GNAZ: variants seen among roughly 807,000 people sequenced by gnomAD.
The protein encoded by GNAZ is G protein subunit alpha z.
A neutral mutation model predicts 25.4 loss-of-function variants in GNAZ; 3 were observed. That is an observed-to-expected ratio of 0.12 (90% CI 0.05 to 0.30). The LOEUF (loss-of-function observed/expected upper bound fraction) is 0.30, where lower values mean the gene tolerates loss of function less well. Ranked by LOEUF, GNAZ falls within the 10% of genes least tolerant of loss-of-function variation. The pLI, the probability that GNAZ is intolerant of heterozygous loss-of-function variation, is 1.00. For missense variants in GNAZ, 241 were observed against 501.8 expected, an observed-to-expected ratio of 0.48 and a Z score of 4.97; for synonymous variants, 211 against 205.7, an observed-to-expected ratio of 1.03 and a Z score of -0.22.
At chr22:23,091,519 C>T (rs1169312430) in intron 1 of GNAZ, among the ~76,000 whole-genome samples, 2 of 151,632 alleles carry the variant, frequency 1.3e-5, no homozygotes, top group African/African-American at 4.9e-5. Flanking sequence ...CATGCACACA[C>T]ACCGCAATAG....
chr22:23,105,549 G>A (rs2069443393), intron 2 of GNAZ, among the ~76,000 whole-genome samples: 1 of 152,228 alleles, frequency 6.6e-6, no homozygotes. Flanking sequence ...CACCCACCTT[G>A]CTGAACAAAG....
chr22:23,087,861 T>C (rs937106418), intron 1 of GNAZ, among the ~76,000 whole-genome samples: 7 of 152,196 alleles, frequency 4.6e-5, no homozygotes, highest in Admixed American at 1.3e-4. Flanking sequence ...AGCACTGATC[T>C]CAAGAGCAGT....
At chr22:23,115,892 C>A (rs2069817096) in intron 2 of GNAZ, among the ~76,000 whole-genome samples, 1 of 152,238 alleles carries the variant, frequency 6.6e-6, no homozygotes, top group African/African-American at 2.4e-5. Flanking sequence ...GGGTGGTGGT[C>A]ATAATCACCA....
chr22:23,117,113 C>G (rs1426678233), intron 2 of GNAZ, among the ~76,000 whole-genome samples: 1 of 152,142 alleles, frequency 6.6e-6, no homozygotes, highest in African/African-American at 2.4e-5. Context: ...AGGCAGCCCT[C>G]CCATGACCCA....
chr22:23,072,534 C>T (rs957259259), intron 1 of GNAZ, among the ~76,000 whole-genome samples: 1 of 152,180 alleles, frequency 6.6e-6, no homozygotes, highest in Non-Finnish European at 1.5e-5. Flanking sequence ...GATGTTTTTG[C>T]TCTCCCTCTG....
At chr22:23,092,181 G>A (rs1158329286) in intron 1 of GNAZ, among the ~76,000 whole-genome samples, 1 of 152,154 alleles carries the variant, frequency 6.6e-6, no homozygotes, top group Non-Finnish European at 1.5e-5. Flanking sequence ...CTGGGACTTG[G>A]GGAGTCCTAG....
rs1461543416 is a variant in GNAZ at position 23,123,778 on chromosome 22, G to T, written c.*347G>T. 2.0e-5 allele frequency: 6 copies of T among 301,604 alleles called. No homozygotes were observed. The highest frequency in any genetic ancestry group is 6.3e-6 in the Non-Finnish European group (1 of 159,170). The allele number at this position is 301,604 out of a possible 1,614,324, so 18.7% of individuals were successfully genotyped here. A position where few individuals can be genotyped will look rare whatever the true frequency, so the allele number is the denominator to read the frequency against. ...TGAGTTGGCCCCACTCCACTTGGGG[G>T]TCTGCATTGGATTGTTAGGGATAGG... On this transcript the variant is annotated 3_prime_UTR_variant, in exon 3 of 3. Coordinates refer to ENST00000615612, the MANE Select transcript of GNAZ (RefSeq NM_002073.4).
chr22:23,115,086 G>A (rs2069784826), intron 2 of GNAZ, among the ~76,000 whole-genome samples: 1 of 152,186 alleles, frequency 6.6e-6, no homozygotes, highest in South Asian at 2.1e-4. Context: ...GCCTTGCTCT[G>A]TGCTGTGGCC....
At chr22:23,075,774 G>A (rs2068492341) in intron 1 of GNAZ, among the ~76,000 whole-genome samples, 1 of 152,170 alleles carries the variant, frequency 6.6e-6, no homozygotes, top group Non-Finnish European at 1.5e-5. Flanking sequence ...CGTGGTTGTG[G>A]TTAGAGCAAA....
At position 23,102,054 on chromosome 22, in the gene GNAZ, C is replaced by T. The variant is rs183575632; in HGVS notation, c.723+5636C>T. Among the ~76,000 whole-genome samples, 129 of 152,350 alleles carry T rather than the reference C, an allele frequency of 8.5e-4. 1 individual carries two copies. Among genetic ancestry groups the T allele is most frequent in the African/African-American group, 2.9e-3 (121 of 41,588 alleles). On this transcript the variant is annotated intron_variant, in intron 2 of 2. Transcript: ENST00000615612. ...GGCACACACCTATAGCTGGGCCACC[C>T]GTGGCCTAGAGGCCCCACCAACACT...
intron 1 of GNAZ, among the ~76,000 whole-genome samples, chr22:23,088,190 G>A (rs149278180): frequency 1.3e-5 from 2 of 152,292 alleles, no homozygotes; most frequent in East Asian, 1.9e-4. Flanking sequence ...CCATACTCAC[G>A]CAGCAAGTCA....
At position 23,114,794 on chromosome 22, in the gene GNAZ, G is replaced by A. The variant is rs553802150; in HGVS notation, c.724-8293G>A. ...TTGGCCACTCCGCAGCTGCCACACC[G>A]GCTCCAGCATTCCCTCCTGCCTGTC... is the stretch of plus-strand genomic sequence containing the variant. On this transcript the variant is annotated intron_variant, in intron 2 of 2. Transcript: ENST00000615612. 6.6e-5 allele frequency among the ~76,000 whole-genome samples: 10 copies of A among 152,318 alleles called. No individual in the cohort carries two copies. In the East Asian group the frequency reaches 1.7e-3, roughly 26 times the overall value.
intron 2 of GNAZ, among the ~76,000 whole-genome samples, chr22:23,117,805 T>G (rs1451222799): frequency 6.6e-6 from 1 of 152,216 alleles, no homozygotes; most frequent in African/African-American, 2.4e-5. Flanking sequence ...CCAGACCCTG[T>G]GTTCATGGCC....
intron 1 of GNAZ, among the ~76,000 whole-genome samples, chr22:23,073,876 T>A (rs529282071): frequency 1.1e-3 from 161 of 150,212 alleles, no homozygotes; most frequent in African/African-American, 3.7e-3. Flanking sequence ...TAACACATGT[T>A]ACTAAGTGCT....
rs139659965 is a variant in GNAZ at position 23,123,374 on chromosome 22, C to T, written c.1011C>T (p.Phe337=). Residue 337 remains phenylalanine (F), a synonymous_variant, in exon 3 of 3, where the codon TTC becomes TTT. Transcript: ENST00000615612. The stretch of plus-strand genomic sequence containing the variant: ...ACACCAGTAACATCCAGTTTGTCTT[C>T]GACGCGGTGACAGACGTCATCATAC... ...ATDTSNIQFV[F]DAVTDVIIQN... 3.2e-5 allele frequency: 52 copies of T among 1,613,880 alleles called. 1 individual carries two copies. The East Asian group carries it at 4.5e-4, about 14-fold the overall frequency.
rs181526057 is a variant in GNAZ at position 23,080,315 on chromosome 22, C to T, written c.-450+9745C>T. Among the ~76,000 whole-genome samples the T allele has an allele frequency of 1.8e-3, 269 of 152,248 alleles. 1 individual carries two copies. The highest frequency in any genetic ancestry group is 4.8e-3 in the African/African-American group (201 of 41,532). On this transcript the variant is annotated intron_variant, in intron 1 of 2. Transcript: ENST00000615612. ...AGACAGGACAGGTGGCTGAGGGTGT[C>T]CAGAGCCAGGACAGCACAGGGTTAC...
intron 1 of GNAZ, 73 bp downstream of exon 1, chr22:23,070,643 C>T (rs1363621472): frequency 6.6e-6 from 1 of 152,254 alleles, no homozygotes; most frequent in African/African-American, 2.4e-5. Flanking sequence ...GGGGCATCCA[C>T]CTTGCCCCCA....
At position 23,071,064 on chromosome 22, in the gene GNAZ, G is replaced by A. The variant is rs2068357901; in HGVS notation, c.-450+494G>A. On this transcript the variant is annotated intron_variant, in intron 1 of 2. Transcript: ENST00000615612. This position sits in a 1 kb window ranked among gnomAD's most constrained non-coding sequence, Gnocchi z 4.1. ...CCAGAGGCCTGGGCCCGAGGACCTGGGCCCGCAGACGGACAGCTAGCAGTT... is the reference window on the plus strand; with the variant it reads ...CCAGAGGCCTGGGCCCGAGGACCTGAGCCCGCAGACGGACAGCTAGCAGTT... Among the ~76,000 whole-genome samples, 2 of 152,218 alleles carry A rather than the reference G, an allele frequency of 1.3e-5. No individual in the cohort carries two copies. The highest frequency in any genetic ancestry group is 1.3e-4 in the Admixed American group (2 of 15,288).
At chr22:23,087,380 C>G (rs1038636611) in intron 1 of GNAZ, among the ~76,000 whole-genome samples, 6 of 152,146 alleles carry the variant, frequency 3.9e-5, no homozygotes, top group African/African-American at 1.4e-4. Flanking sequence ...GGGAGGATCG[C>G]TTGAGCCCGG....
Sources: allele counts gnomAD v4.1 joint callset (sites outside exome capture counted in the v4.1 genomes callset), GRCh38; gene constraint gnomAD v4.1.1; non-coding constraint Gnocchi (gnomAD v3.1); transcripts MANE v1.5; gene names NCBI Gene and HGNC (gene_info 2026-07-23, HGNC 2026-07-21).